ATF1: variants seen among roughly 807,000 people sequenced by gnomAD.
ATF1 encodes the protein activating transcription factor 1.
In ATF1, 16 loss-of-function variants were observed where a neutral mutation model predicts 34.7. The ratio of observed to expected loss-of-function variants is 0.46; its 90% CI spans 0.31 to 0.70. The LOEUF is 0.70. Among genes scored for constraint, ATF1 ranks in the 30% least tolerant of loss-of-function variants. The probability of loss-of-function intolerance (pLI) is 0.05; values close to 1 mark genes in which losing one functional copy is unlikely to be tolerated. For missense variants in ATF1, 255 were observed against 321.6 expected, an observed-to-expected ratio of 0.79 and a Z score of 1.58; for synonymous variants, 105 against 113.1, an observed-to-expected ratio of 0.93 and a Z score of 0.46.
At chr12:50,765,424 A>C (rs1036865746) in intron 1 of ATF1, among the ~76,000 whole-genome samples, 1 of 152,176 alleles carries the variant, frequency 6.6e-6, no homozygotes, top group Admixed American at 6.5e-5. Context: ...TCTGTGAGCT[A>C]TCTGTCCATT....
chr12:50,795,375 A>G (rs7132292), intron 2 of ATF1, among the ~76,000 whole-genome samples: 1,605 of 152,094 alleles, frequency 0.011, 32 homozygotes, highest in African/African-American at 0.037. Flanking sequence ...GTCCTCTTCT[A>G]TTTACCCCTA....
chr12:50,771,051 G>A (rs1027970888), intron 1 of ATF1, among the ~76,000 whole-genome samples: 9 of 151,716 alleles, frequency 5.9e-5, no homozygotes, highest in Non-Finnish European at 1.0e-4. Flanking sequence ...TGTCGCCCAG[G>A]CTGGACTGCA....
intron 3 of ATF1, among the ~76,000 whole-genome samples, chr12:50,800,781 A>G (rs1001275981): frequency 6.6e-6 from 1 of 152,176 alleles, no homozygotes; most frequent in Admixed American, 6.5e-5. Context: ...CCTGGTGCCA[A>G]AAGGGTTGGG....
intron 2 of ATF1, among the ~76,000 whole-genome samples, chr12:50,785,288 C>T (rs1187402984): frequency 5.5e-3 from 3 of 546 alleles, no homozygotes; most frequent in South Asian, 0.083. Context: ...TATACATACA[C>T]ACACACACAC....
intron 6 of ATF1, among the ~76,000 whole-genome samples, chr12:50,817,848 A>G (rs1416500213): frequency 1.3e-5 from 2 of 152,246 alleles, no homozygotes; most frequent in African/African-American, 4.8e-5. Flanking sequence ...AACTTTGTGC[A>G]TAATGAGGGA....
At chr12:50,791,537 A>T (rs1225389848) in intron 2 of ATF1, among the ~76,000 whole-genome samples, 2 of 151,732 alleles carry the variant, frequency 1.3e-5, no homozygotes, top group African/African-American at 2.4e-5. Context: ...CCTGGGAAGG[A>T]GTGAAACTCA....
chr12:50,800,980 A>T (rs1455062560), intron 3 of ATF1, among the ~76,000 whole-genome samples: 1 of 152,160 alleles, frequency 6.6e-6, no homozygotes, highest in East Asian at 1.9e-4. Flanking sequence ...AGGCGCCTGT[A>T]ATCCCAGCTA....
At chr12:50,769,804 A>G (rs1386868258) in intron 1 of ATF1, among the ~76,000 whole-genome samples, 1 of 152,176 alleles carries the variant, frequency 6.6e-6, no homozygotes, top group East Asian at 1.9e-4. Flanking sequence ...TTAGAAGATG[A>G]TTTATAATCA....
At chr12:50,794,304 C>T (rs1310020072) in intron 2 of ATF1, among the ~76,000 whole-genome samples, 1 of 151,404 alleles carries the variant, frequency 6.6e-6, no homozygotes, top group Admixed American at 6.6e-5. Context: ...CAGTGGCTCA[C>T]ACTTGCAATC....
At chr12:50,792,762 G>T (rs1941332043) in intron 2 of ATF1, among the ~76,000 whole-genome samples, 1 of 151,770 alleles carries the variant, frequency 6.6e-6, no homozygotes, top group African/African-American at 2.4e-5. Context: ...TTAAGGAAAT[G>T]AGGGACTTTT....
intron 3 of ATF1, among the ~76,000 whole-genome samples, chr12:50,798,280 GTAA>G (rs1184850146): frequency 4.6e-5 from 7 of 151,992 alleles, no homozygotes; most frequent in African/African-American, 1.7e-4. Context: ...TAGAACAATA[GTAA>G]TAATGATTAA....
Position 50,810,254 on chromosome 12 carries a change from G to A in ATF1, c.328+665G>A, listed in dbSNP as rs182671405. The stretch of plus-strand genomic sequence containing the variant: ...TTTTTTTGAGGTGGAGTTTCGCTCT[G>A]TTGCCCAGATTAGAGTGCAGTGCCA... On this transcript the variant is annotated intron_variant, in intron 4 of 6. Transcript: ENST00000262053. Among the ~76,000 whole-genome samples the A allele has an allele frequency of 2.9e-3, 377 of 129,262 alleles. 1 individual carries two copies. The Middle Eastern group carries it at 0.038, about 13-fold the overall frequency. The allele number at this position is 129,262 out of a possible 152,430, so 84.8% of individuals were successfully genotyped here.
chr12:50,810,908 C>G (rs923000800), intron 4 of ATF1, among the ~76,000 whole-genome samples: 7 of 152,198 alleles, frequency 4.6e-5, no homozygotes, highest in South Asian at 2.1e-4. Flanking sequence ...AAGATGTCAA[C>G]TAGATCACAT....
intron 4 of ATF1, among the ~76,000 whole-genome samples, chr12:50,810,700 A>G (rs1036703753): frequency 2.6e-5 from 4 of 151,438 alleles, no homozygotes; most frequent in African/African-American, 9.7e-5. Flanking sequence ...CTCCCCCTCC[A>G]CTCCTAACAT....
chr12:50,806,957 T>G (rs962113692), intron 3 of ATF1, among the ~76,000 whole-genome samples: 3 of 152,220 alleles, frequency 2.0e-5, no homozygotes, highest in Non-Finnish European at 2.9e-5. Flanking sequence ...TATTAGCTCT[T>G]GGTGGGACGA....
At chr12:50,817,606 G>A (rs1210684880) in intron 6 of ATF1, among the ~76,000 whole-genome samples, 1 of 152,060 alleles carries the variant, frequency 6.6e-6, no homozygotes, top group Non-Finnish European at 1.5e-5. Context: ...AGGGAAGTAC[G>A]GAGTTTTATG....
At chr12:50,801,085 ACT>A (rs1169478919) in intron 3 of ATF1, among the ~76,000 whole-genome samples, 2 of 152,216 alleles carry the variant, frequency 1.3e-5, no homozygotes, top group Admixed American at 6.5e-5. Context: ...ACAGAGCGAG[ACT>A]CTGTTTCAAT....
chr12:50,765,436 C>A (rs1256630656), intron 1 of ATF1, among the ~76,000 whole-genome samples: 2 of 152,186 alleles, frequency 1.3e-5, no homozygotes, highest in African/African-American at 4.8e-5. Context: ...CTGTCCATTC[C>A]TACCCGATCA....
chr12:50,795,928 G>A lies in ATF1; in HGVS notation c.113G>A (p.Ser38Asn), dbSNP rs774197918. Residue 38 changes from serine (S) to asparagine (N), a missense_variant, in exon 3 of 7, where the codon AGT becomes AAT. By Grantham distance (46) the Ser-to-Asn change is conservative (BLOSUM62 1). Transcript: ENST00000262053. ...IAQQVSSLSESEESQDSSDSI... is the reference protein window; with the variant it reads ...IAQQVSSLSENEESQDSSDSI... ...TTTTAGGTATCATCTTTATCAGAAAGTGAGGAGTCCCAGGACTCATCCGAC... is the reference window on the plus strand; with the variant it reads ...TTTTAGGTATCATCTTTATCAGAAAATGAGGAGTCCCAGGACTCATCCGAC... 3.7e-6 allele frequency: 6 copies of A among 1,612,758 alleles called. No individual in the cohort carries two copies. The highest frequency in any genetic ancestry group is 1.1e-5 in the South Asian group (1 of 90,886).
Sources: allele counts gnomAD v4.1 joint callset (sites outside exome capture counted in the v4.1 genomes callset), GRCh38; gene constraint gnomAD v4.1.1; transcripts MANE v1.5; gene names NCBI Gene and HGNC (gene_info 2026-07-23, HGNC 2026-07-21).